Variants in HUNK observed in about 807,000 individuals in gnomAD.
HUNK encodes hormonally up-regulated Neu-associated kinase.
HUNK carries 21 observed loss-of-function variants against 61.0 expected under a neutral mutation model. The observed-to-expected ratio is 0.34, with a 90% CI of 0.24 to 0.50. The LOEUF (loss-of-function observed/expected upper bound fraction) is 0.50, where lower values mean the gene tolerates loss of function less well. Ranked by LOEUF, HUNK falls within the 20% of genes least tolerant of loss-of-function variation. The pLI is 0.98. For synonymous variants in HUNK, 371 were observed against 386.1 expected (o/e 0.96, Z 0.46); for missense variants, 772 against 945.7 (o/e 0.82, Z 2.41).
chr21:31,947,144 T>G (rs139884196), intron 4 of HUNK, among the ~76,000 whole-genome samples: 1,435 of 74,204 alleles, frequency 0.019, 20 homozygotes, highest in African/African-American at 0.064. Context: ...TCTCAAGCCA[T>G]TGGCGCCTGC....
intron 7 of HUNK, among the ~76,000 whole-genome samples, chr21:31,979,231 G>A (rs1383852439): frequency 6.6e-6 from 1 of 151,266 alleles, no homozygotes; most frequent in Non-Finnish European, 1.5e-5. Context: ...CAATTCTCCT[G>A]CCTCAGTCTC....
At chr21:31,912,912 C>T (rs1347768214) in intron 1 of HUNK, among the ~76,000 whole-genome samples, 1 of 152,180 alleles carries the variant, frequency 6.6e-6, no homozygotes, top group Non-Finnish European at 1.5e-5. Flanking sequence ...GAAGGGAAGG[C>T]ACTGGTCTGC....
intron 1 of HUNK, among the ~76,000 whole-genome samples, chr21:31,896,368 CT>C: frequency 6.6e-6 from 1 of 152,300 alleles, no homozygotes; most frequent in Middle Eastern, 3.4e-3. Context: ...TCTTCAGTAA[CT>C]TTTTCCTCTG....
At chr21:31,891,393 A>G (rs540347915) in intron 1 of HUNK, among the ~76,000 whole-genome samples, 3 of 152,352 alleles carry the variant, frequency 2.0e-5, no homozygotes, top group South Asian at 4.1e-4. Flanking sequence ...ACAAACAAAA[A>G]GAAAAGAAAC....
chr21:31,916,242 G>A (rs988687755), intron 1 of HUNK, among the ~76,000 whole-genome samples: 2 of 151,644 alleles, frequency 1.3e-5, no homozygotes, highest in African/African-American at 4.8e-5. Flanking sequence ...AGTAGAGACG[G>A]GGTTTCACCA....
intron 9 of HUNK, 128 bp from the exon 10 acceptor site, chr21:31,995,640 C>A: frequency 2.6e-6 from 2 of 779,108 alleles, no homozygotes; most frequent in Non-Finnish European, 4.2e-6. Flanking sequence ...TCATTCAACA[C>A]ACAGTTGAGA....
chr21:31,998,461 CAGG>C (rs1485580765), intron 10 of HUNK, 62 bp from the exon 11 acceptor site: 3 of 1,397,102 alleles, frequency 2.1e-6, no homozygotes, highest in Admixed American at 4.5e-5. Context: ...TCACAGCAGG[CAGG>C]AGAAGGGCCG....
intron 6 of HUNK, among the ~76,000 whole-genome samples, chr21:31,971,468 T>G (rs2123851219): frequency 6.6e-6 from 1 of 152,288 alleles, no homozygotes; most frequent in East Asian, 1.9e-4. Flanking sequence ...AAAATGTATT[T>G]TTTATATTTA....
intron 5 of HUNK, 151 bp from the exon 6 acceptor site, chr21:31,968,099 C>A: frequency 1.1e-6 from 1 of 890,010 alleles, no homozygotes; most frequent in Non-Finnish European, 1.7e-6. Flanking sequence ...TTCATTGAAT[C>A]GGAACCCTGC....
At chr21:31,987,408 A>T (rs890920267) in intron 8 of HUNK, among the ~76,000 whole-genome samples, 1 of 152,158 alleles carries the variant, frequency 6.6e-6, no homozygotes, top group Non-Finnish European at 1.5e-5. Flanking sequence ...GGAGAGCCCA[A>T]TGTGTGTACC....
At chr21:31,993,679 CA>C (rs1483953988) in intron 9 of HUNK, among the ~76,000 whole-genome samples, 2 of 152,082 alleles carry the variant, frequency 1.3e-5, no homozygotes, top group Non-Finnish European at 2.9e-5. Flanking sequence ...AGCGTGTGTG[CA>C]AAAGCTTGTT....
intron 8 of HUNK, among the ~76,000 whole-genome samples, chr21:31,987,138 C>G: frequency 6.6e-6 from 1 of 152,174 alleles, no homozygotes; most frequent in East Asian, 1.9e-4. Flanking sequence ...GATAAGCAAC[C>G]GGAATAGGTA....
chr21:31,957,866 G>A (rs2052900076), intron 4 of HUNK, among the ~76,000 whole-genome samples: 1 of 152,146 alleles, frequency 6.6e-6, no homozygotes, highest in Non-Finnish European at 1.5e-5. Context: ...AATTTCTGTA[G>A]TTACAAGCCA....
intron 2 of HUNK, among the ~76,000 whole-genome samples, chr21:31,928,615 C>A (rs971048490): frequency 5.3e-5 from 8 of 152,058 alleles, no homozygotes; most frequent in Non-Finnish European, 1.0e-4. Context: ...ATTTTTTTCA[C>A]TTTTCCCTCT....
At chr21:31,998,107 C>T (rs566778677) in intron 10 of HUNK, among the ~76,000 whole-genome samples, 49 of 152,120 alleles carry the variant, frequency 3.2e-4, no homozygotes, top group African/African-American at 1.0e-3. Flanking sequence ...TTTTTAGAGA[C>T]GGGGTCTTGC....
chr21:31,919,632 T>C (rs2052610000), intron 1 of HUNK, among the ~76,000 whole-genome samples: 1 of 152,198 alleles, frequency 6.6e-6, no homozygotes, highest in South Asian at 2.1e-4. Context: ...ACATAGCTCA[T>C]GGAGGTGCAA....
intron 2 of HUNK, among the ~76,000 whole-genome samples, chr21:31,933,048 T>C (rs1381764529): frequency 4.0e-5 from 6 of 151,832 alleles, no homozygotes; most frequent in African/African-American, 1.5e-4. Context: ...AGCCTGTAGC[T>C]GAGACTACAG....
At chr21:31,939,697 C>T (rs566367797) in intron 2 of HUNK, among the ~76,000 whole-genome samples, 12 of 150,362 alleles carry the variant, frequency 8.0e-5, no homozygotes, top group African/African-American at 2.9e-4. Context: ...CGTGAGCCAC[C>T]GTGCCCGGCC....
At chr21:31,942,376 A>C (rs2052774714) in intron 3 of HUNK, among the ~76,000 whole-genome samples, 2 of 152,216 alleles carry the variant, frequency 1.3e-5, no homozygotes, top group African/African-American at 4.8e-5. Context: ...GACCACTGAC[A>C]GAACTATCTT....
Sources: gnomAD v4.1 joint callset for allele counts (sites outside exome capture counted in the v4.1 genomes callset) on GRCh38, gnomAD v4.1.1 for gene constraint, MANE v1.5 for transcripts, NCBI Gene and HGNC (gene_info 2026-07-23, HGNC 2026-07-21) for gene names.